NRG3: variants seen among roughly 807,000 people sequenced by gnomAD.
The protein encoded by NRG3 is neuregulin 3, also known as pro-neuregulin-3, membrane-bound isoform.
Under a neutral mutation model 66.9 loss-of-function variants are expected in NRG3, and 31 were observed. The observed-to-expected ratio is 0.46, with a 90% CI of 0.35 to 0.63. The LOEUF is 0.63. Among genes scored for constraint, NRG3 ranks in the 20% least tolerant of loss-of-function variants. NRG3 has a pLI of 0.00. For synonymous variants in NRG3, 393 were observed against 359.4 expected, an observed-to-expected ratio of 1.09 and a Z score of -1.06; for missense variants, 910 against 878.9, an observed-to-expected ratio of 1.04 and a Z score of -0.45.
At chr10:82,938,611 T>C (rs1284640845) in intron 4 of NRG3, among the ~76,000 whole-genome samples, 1 of 152,242 alleles carries the variant, frequency 6.6e-6, no homozygotes, top group African/African-American at 2.4e-5. Context: ...TCCTTTAGCT[T>C]ACACCTCATC....
chr10:82,801,716 C>T (rs1014875988), intron 3 of NRG3, among the ~76,000 whole-genome samples: 2 of 152,172 alleles, frequency 1.3e-5, no homozygotes, highest in Admixed American at 6.5e-5. Flanking sequence ...TCTTTCAAGA[C>T]ACTATTTGAA....
chr10:82,725,254 T>G (rs950573272), intron 2 of NRG3, among the ~76,000 whole-genome samples: 4 of 152,226 alleles, frequency 2.6e-5, no homozygotes, highest in Non-Finnish European at 5.9e-5. Flanking sequence ...TGTTCAGATT[T>G]TATGCAAAGC....
intron 1 of NRG3, among the ~76,000 whole-genome samples, chr10:82,356,665 A>G (rs1454983832): frequency 1.3e-5 from 2 of 152,186 alleles, no homozygotes; most frequent in East Asian, 1.9e-4. Flanking sequence ...TGCAATACCA[A>G]TAGTGGTTTA....
intron 2 of NRG3, among the ~76,000 whole-genome samples, chr10:82,521,565 C>A (rs1846185371): frequency 6.6e-6 from 1 of 152,138 alleles, no homozygotes; most frequent in African/African-American, 2.4e-5. Context: ...TGGTCTCAAT[C>A]TCCTGACCTC....
chr10:82,678,062 C>T (rs931579746), intron 2 of NRG3, among the ~76,000 whole-genome samples: 3 of 152,178 alleles, frequency 2.0e-5, no homozygotes, highest in Non-Finnish European at 4.4e-5. Context: ...ACCAGTTAAA[C>T]TCCGCCATTT....
chr10:82,729,050 C>T (rs2057760570), intron 2 of NRG3, among the ~76,000 whole-genome samples: 2 of 152,064 alleles, frequency 1.3e-5, no homozygotes, highest in Admixed American at 1.3e-4. Context: ...GATTCAGTAA[C>T]CCCATTTAGA....
intron 1 of NRG3, among the ~76,000 whole-genome samples, chr10:82,129,174 A>G (rs2068651784): frequency 6.6e-6 from 1 of 151,944 alleles, no homozygotes. Context: ...TGGCCTCCCA[A>G]AGTGCTGGGA....
intron 2 of NRG3, among the ~76,000 whole-genome samples, chr10:82,362,333 A>ATATGTGTGTG (rs776684951): frequency 1.5e-5 from 2 of 135,896 alleles, no homozygotes; most frequent in African/African-American, 5.4e-5. Context: ...GTATATATAT[A>ATATGTGTGTG]TGTGTGTGTG....
intron 1 of NRG3, among the ~76,000 whole-genome samples, chr10:82,076,974 T>A (rs909640547): frequency 6.6e-6 from 1 of 152,234 alleles, no homozygotes; most frequent in African/African-American, 2.4e-5. Flanking sequence ...GATACTGGAC[T>A]TACTGGGTAG....
intron 2 of NRG3, among the ~76,000 whole-genome samples, chr10:82,416,749 G>C (rs1041810212): frequency 2.6e-5 from 4 of 151,934 alleles, no homozygotes; most frequent in African/African-American, 9.7e-5. Context: ...TCTTTCACTC[G>C]CCTCTGCCTT....
chr10:82,830,972 A>G (rs2062490878), intron 3 of NRG3, among the ~76,000 whole-genome samples: 1 of 152,324 alleles, frequency 6.6e-6, no homozygotes, highest in Non-Finnish European at 1.5e-5. Context: ...GATATCTGGG[A>G]CAGTGTTTGC....
At chr10:82,606,648 G>T (rs1274057033) in intron 2 of NRG3, among the ~76,000 whole-genome samples, 1 of 152,112 alleles carries the variant, frequency 6.6e-6, no homozygotes, top group African/African-American at 2.4e-5. Context: ...GTCAGGCATT[G>T]GACAGGGTGT....
At chr10:82,605,249 A>G (rs377328609) in intron 2 of NRG3, among the ~76,000 whole-genome samples, 9 of 152,194 alleles carry the variant, frequency 5.9e-5, no homozygotes, top group Admixed American at 2.0e-4. Context: ...TTATCATGAA[A>G]TGGTATGATA....
intron 4 of NRG3, among the ~76,000 whole-genome samples, chr10:82,943,666 G>A (rs889953826): frequency 3.3e-5 from 5 of 152,122 alleles, no homozygotes; most frequent in African/African-American, 1.2e-4. Context: ...ATTGAAGTCA[G>A]ATTTTCCCCA....
At chr10:82,782,752 G>C (rs2060171106) in intron 3 of NRG3, among the ~76,000 whole-genome samples, 1 of 152,114 alleles carries the variant, frequency 6.6e-6, no homozygotes, top group Non-Finnish European at 1.5e-5. Flanking sequence ...GGACCAGATG[G>C]ATTCACAGCT....
intron 1 of NRG3, among the ~76,000 whole-genome samples, chr10:81,904,114 A>G (rs1844361637): frequency 6.6e-6 from 1 of 151,880 alleles, no homozygotes; most frequent in South Asian, 2.1e-4. Flanking sequence ...GGTTCAAGCA[A>G]TTCTGCTGTC....
intron 2 of NRG3, among the ~76,000 whole-genome samples, chr10:82,631,658 T>C (rs2049848507): frequency 6.6e-6 from 1 of 151,974 alleles, no homozygotes; most frequent in African/African-American, 2.4e-5. Flanking sequence ...ATTTCCTTTT[T>C]TGATCTCATG....
At position 82,383,886 on chromosome 10, in the gene NRG3, T is replaced by G. The variant is rs563319420; in HGVS notation, c.953+25018T>G. The stretch of plus-strand genomic sequence containing the variant: ...CAAAATTCAAACTCTTACTATTTAA[T>G]TATCCTGGTTAAATATGTTTCTCAT... On this transcript the variant is annotated intron_variant, in intron 2 of 8. Transcript: ENST00000372141. 7.0e-4 allele frequency among the ~76,000 whole-genome samples: 106 copies of G among 152,044 alleles called. 1 individual carries two copies. The highest frequency in any genetic ancestry group is 1.3e-3 in the Non-Finnish European group (87 of 67,894).
chr10:81,913,177 GAGTAACCA>G (rs111380986), intron 1 of NRG3, among the ~76,000 whole-genome samples: 45,651 of 151,810 alleles, frequency 0.3, 7,852 homozygotes, highest in East Asian at 0.58. Flanking sequence ...CTCATTGATG[GAGTAACCA>G]AGGGCTTGGT....
Sources: allele counts gnomAD v4.1 joint callset (sites outside exome capture counted in the v4.1 genomes callset), GRCh38; gene constraint gnomAD v4.1.1; transcripts MANE v1.5; gene names NCBI Gene and HGNC (gene_info 2026-07-23, HGNC 2026-07-21).